Variants in STARD7 observed in about 807,000 individuals in gnomAD.
STARD7 encodes the protein StAR related lipid transfer domain containing 7.
Under a neutral mutation model 45.3 loss-of-function variants are expected in STARD7, and 30 were observed. The ratio of observed to expected loss-of-function variants is 0.66; its 90% CI spans 0.50 to 0.90. The LOEUF (loss-of-function observed/expected upper bound fraction) is 0.90, where lower values mean the gene tolerates loss of function less well. Ranked by LOEUF, STARD7 falls within the 40% of genes least tolerant of loss-of-function variation. The pLI is 0.00. For synonymous variants in STARD7, 199 were observed against 183.0 expected (o/e 1.09, Z -0.70); for missense variants, 495 against 491.3 (o/e 1.01, Z -0.07).
At chr2:96,197,069 A>ACTAATAACATAACATAACATAAC (rs1331360031) in intron 1 of STARD7, among the ~76,000 whole-genome samples, 2 of 94,110 alleles carry the variant, frequency 2.1e-5, no homozygotes, top group African/African-American at 5.4e-5. Flanking sequence ...TCCGTCTCAA[A>ACTAATAACATAACATAACATAAC]ATAAAATAAA....
chr2:96,197,782 C>A (rs561221408), intron 1 of STARD7, among the ~76,000 whole-genome samples: 1 of 152,282 alleles, frequency 6.6e-6, no homozygotes, highest in Non-Finnish European at 1.5e-5. Context: ...CTTTCTGTCT[C>A]TATGGAGTTG....
Position 96,208,413 on chromosome 2 carries a change from C to T in STARD7, c.22G>A (p.Ala8Thr). 7.0e-7 allele frequency: 1 copy of T among 1,419,458 alleles called. No individual in the cohort carries two copies. Among genetic ancestry groups the T allele is most frequent in the South Asian group, 1.5e-5 (1 of 66,634 alleles). The allele number at this position is 1,419,458 out of a possible 1,614,324, so 87.9% of individuals were successfully genotyped here. A position where few individuals can be genotyped will look rare whatever the true frequency, so the allele number is the denominator to read the frequency against. Residue 8 changes from alanine (A) to threonine (T), a missense_variant, in exon 1 of 8, where the codon GCC becomes ACC. Physicochemically the swap from Ala to Thr is moderately conservative, Grantham distance 58. Coordinates refer to ENST00000337288, the MANE Select transcript of STARD7 (RefSeq NM_020151.4). ...CCCCGCGTCCCCGCCAGCCAGGCGG[C>T]CAGCAGCCTCCGCGGGAGCATGCCG... MLPRRLL[A>T]AWLAGTRGGG...
At chr2:96,192,303 G>C in intron 6 of STARD7, 66 bp downstream of exon 6, 1 of 1,241,544 alleles carries the variant, frequency 8.1e-7, no homozygotes, top group Non-Finnish European at 1.2e-6. Flanking sequence ...CCTAGTTCAG[G>C]TAAGACATCC....
chr2:96,184,953 C>T lies in STARD7; in HGVS notation c.*1777G>A, dbSNP rs1175227419. 6.6e-6 allele frequency: 1 copy of T among 152,620 alleles called. No individual in the cohort carries two copies. The highest frequency in any genetic ancestry group is 2.4e-5 in the African/African-American group (1 of 41,432). 9.5% of individuals were successfully genotyped at this position (152,620 alleles called of 1,614,324 possible). On this transcript the variant is annotated 3_prime_UTR_variant, in exon 8 of 8. Coordinates refer to ENST00000337288, the MANE Select transcript of STARD7 (RefSeq NM_020151.4). ...CATTACAATGACATGAGTAACTGTA[C>T]AGACAGACCCCAAGTGCAGAATCAA...
intron 1 of STARD7, 92 bp downstream of exon 1, chr2:96,208,053 G>A (rs747148468): frequency 2.8e-5 from 35 of 1,251,398 alleles, no homozygotes; most frequent in African/African-American, 7.8e-5. Flanking sequence ...AAAGACCACC[G>A]GGTAAACAAG....
chr2:96,208,401 C>A lies in STARD7; in HGVS notation c.34G>T (p.Ala12Ser). The change falls in exon 1 of 8, where the codon GCG becomes TCG. Residue 12 changes from alanine to serine, a missense_variant. Ala to Ser is a moderately conservative substitution (Grantham distance 99, BLOSUM62 1). Coordinates refer to ENST00000337288, the MANE Select transcript of STARD7 (RefSeq NM_020151.4). The part of the protein sequence containing the change: ...LPRRLLAAWL[A>S]GTRGGGLLAL... ...AGCAGGCCCCCGCCCCGCGTCCCCG[C>A]CAGCCAGGCGGCCAGCAGCCTCCGC... 6.9e-7 allele frequency: 1 copy of A among 1,447,990 alleles called. No individual in the cohort carries two copies. The highest frequency in any genetic ancestry group is 9.0e-7 in the Non-Finnish European group (1 of 1,110,694). The allele number at this position is 1,447,990 out of a possible 1,614,324, so 89.7% of individuals were successfully genotyped here.
At chr2:96,207,189 G>A (rs1435489241) in intron 1 of STARD7, among the ~76,000 whole-genome samples, 1 of 152,164 alleles carries the variant, frequency 6.6e-6, no homozygotes, top group Non-Finnish European at 1.5e-5. Context: ...CACAGGCCAT[G>A]GTATAAACTT....
At chr2:96,194,197 GA>G (rs933499247) in intron 3 of STARD7, among the ~76,000 whole-genome samples, 7 of 151,602 alleles carry the variant, frequency 4.6e-5, no homozygotes, top group South Asian at 4.2e-4. Context: ...CTGTCTCTAA[GA>G]AAAAAAAATT....
At chr2:96,200,358 C>T (rs1049939291) in intron 1 of STARD7, among the ~76,000 whole-genome samples, 6 of 152,038 alleles carry the variant, frequency 3.9e-5, no homozygotes, top group Admixed American at 2.0e-4. Flanking sequence ...GGATTCCAGG[C>T]GGGACTCACC....
chr2:96,197,470 G>GTTAA (rs1370696633), intron 1 of STARD7, among the ~76,000 whole-genome samples: 1 of 152,188 alleles, frequency 6.6e-6, no homozygotes, highest in Non-Finnish European at 1.5e-5. Context: ...GCCCTCAAAT[G>GTTAA]TTAACTATGA....
At chr2:96,201,230 C>T (rs1293234712) in intron 1 of STARD7, among the ~76,000 whole-genome samples, 1 of 151,826 alleles carries the variant, frequency 6.6e-6, no homozygotes, top group Non-Finnish European at 1.5e-5. Flanking sequence ...TTTAGTAAAT[C>T]AAGAAATAAT....
intron 1 of STARD7, among the ~76,000 whole-genome samples, 159 bp downstream of exon 1, chr2:96,207,986 G>A (rs997879920): frequency 6.6e-6 from 1 of 152,190 alleles, no homozygotes; most frequent in African/African-American, 2.4e-5. Context: ...TTGACACACA[G>A]AGACAAATAA....
intron 1 of STARD7, among the ~76,000 whole-genome samples, chr2:96,196,758 G>C (rs543608443): frequency 6.6e-6 from 1 of 152,106 alleles, no homozygotes; most frequent in East Asian, 2.0e-4. Context: ...ACCGTGCCCA[G>C]CTACACTGTC....
Position 96,201,867 on chromosome 2 carries a change from T to C in STARD7, c.290+6278A>G, listed in dbSNP as rs72937634. Reference sequence around the variant, plus strand: ...TCAAAGGTATAGTGTCAATCCAAGATTAAAAGTTTAGAGCAATTCAAAATA... The same window carrying C: ...TCAAAGGTATAGTGTCAATCCAAGACTAAAAGTTTAGAGCAATTCAAAATA... On this transcript the variant is annotated intron_variant, in intron 1 of 7. Transcript: ENST00000337288. 6.6e-3 allele frequency among the ~76,000 whole-genome samples: 1,011 copies of C among 152,312 alleles called. 13 individuals are homozygous for C. The highest frequency in any genetic ancestry group is 0.023 in the African/African-American group (962 of 41,554).
chr2:96,198,056 C>G (rs944635854), intron 1 of STARD7, among the ~76,000 whole-genome samples: 4 of 152,104 alleles, frequency 2.6e-5, no homozygotes, highest in Non-Finnish European at 4.4e-5. Context: ...GACGTAGTGA[C>G]TCATGCCTAT....
At chr2:96,203,739 G>A (rs1454070240) in intron 1 of STARD7, among the ~76,000 whole-genome samples, 3 of 152,190 alleles carry the variant, frequency 2.0e-5, no homozygotes, top group African/African-American at 7.2e-5. Flanking sequence ...AAGGCAGGCG[G>A]ATCACTTGAG....
chr2:96,187,213 T>A lies in STARD7; in HGVS notation c.928+4A>T. The stretch of plus-strand genomic sequence containing the variant: ...CCAGGCCCTGTATACTTGCCCTTAC[T>A]TACCACTGGAAACCATCCAACTAAC... On this transcript the variant is annotated splice_donor_region_variant and intron_variant, in intron 7 of 7. Transcript: ENST00000337288. The A allele has an allele frequency of 1.2e-6, 2 of 1,610,104 alleles. No homozygotes were observed.
Position 96,208,301 on chromosome 2 carries a change from T to C in STARD7, c.134A>G (p.Tyr45Cys). Residue 45 changes from tyrosine (Y) to cysteine (C), a missense_variant, in exon 1 of 8, where the codon TAC (tyrosine) becomes TGC (cysteine). Tyr to Cys is a radical substitution (Grantham distance 194). Transcript: ENST00000337288. ...VRRAQQIAQL[Y>C]GRLYSESSRR... Reference sequence around the variant, plus strand: ...TGAGCTCTCGGAGTAGAGGCGGCCGTAGAGCTGCGCGATCTGCTGCGCGCG... The same window carrying C: ...TGAGCTCTCGGAGTAGAGGCGGCCGCAGAGCTGCGCGATCTGCTGCGCGCG... The C allele has an allele frequency of 1.2e-6, 2 of 1,608,940 alleles. No homozygotes were observed. The highest frequency in any genetic ancestry group is 1.1e-5 in the South Asian group (1 of 90,666).
chr2:96,194,831 T>TGTGGATGACAGGTAGATAG (rs2104184216), intron 3 of STARD7, 127 bp downstream of exon 3: 1 of 739,394 alleles, frequency 1.4e-6, no homozygotes, highest in East Asian at 2.7e-5. Flanking sequence ...TGCTATGCAA[T>TGTGGATGACAGGTAGATAG]GTGGATGACA....
Sources: gnomAD v4.1 joint callset for allele counts (sites outside exome capture counted in the v4.1 genomes callset) on GRCh38, gnomAD v4.1.1 for gene constraint, MANE v1.5 for transcripts, NCBI Gene and HGNC (gene_info 2026-07-23, HGNC 2026-07-21) for gene names.